MBP: variants seen among roughly 807,000 people sequenced by gnomAD.
MBP encodes myelin basic protein, also known as Golli-MBP.
A neutral mutation model predicts 35.8 loss-of-function variants in MBP; 16 were observed. The ratio of observed to expected loss-of-function variants is 0.45; its 90% confidence interval spans 0.30 to 0.68. The LOEUF (loss-of-function observed/expected upper bound fraction) is 0.68. Ranked by LOEUF, MBP falls within the 30% of genes least tolerant of loss-of-function variation. The probability of loss-of-function intolerance (pLI) is 0.08; values close to 1 mark genes in which losing one functional copy is unlikely to be tolerated. For missense variants in MBP, 380 were observed against 404.7 expected (o/e 0.94, Z 0.52); for synonymous variants, 143 against 159.6 (o/e 0.90, Z 0.78).
chr18:77,052,405 C>T (rs368342537), intron 3 of MBP, among the ~76,000 whole-genome samples: 3 of 152,164 alleles, frequency 2.0e-5, no homozygotes, highest in Non-Finnish European at 4.4e-5. Flanking sequence ...CCCCGGGTCC[C>T]GAGCTGGACG....
At chr18:76,995,819 G>T (rs888409532) in intron 4 of MBP, among the ~76,000 whole-genome samples, 1 of 151,960 alleles carries the variant, frequency 6.6e-6, no homozygotes, top group African/African-American at 2.4e-5. Context: ...ATCTATAAAA[G>T]GAAAAAATGG....
At chr18:77,055,557 ATCCT>A (rs981025086) in intron 3 of MBP, among the ~76,000 whole-genome samples, 3 of 136,556 alleles carry the variant, frequency 2.2e-5, no homozygotes, top group African/African-American at 5.6e-5. Flanking sequence ...CTTTCTTTTC[ATCCT>A]TCCTTCCTTT....
At chr18:77,023,106 C>T (rs1972057158) in intron 3 of MBP, among the ~76,000 whole-genome samples, 1 of 152,226 alleles carries the variant, frequency 6.6e-6, no homozygotes, top group South Asian at 2.1e-4. Context: ...TAGGACAATG[C>T]TGGCCTTTAG....
intron 1 of MBP, among the ~76,000 whole-genome samples, chr18:77,121,232 C>T (rs1293248138): frequency 1.3e-5 from 2 of 151,958 alleles, no homozygotes; most frequent in Non-Finnish European, 2.9e-5. Context: ...GTCGTTTGAG[C>T]CCCAGAGATT....
At chr18:77,078,311 C>T (rs762661239) in intron 2 of MBP, among the ~76,000 whole-genome samples, 12 of 152,160 alleles carry the variant, frequency 7.9e-5, no homozygotes, top group Admixed American at 2.0e-4. Context: ...CACTTTCAAC[C>T]GCCACGTTCC....
At position 76,989,967 on chromosome 18, in the gene MBP, A is replaced by T; in HGVS notation, c.670T>A (p.Phe224Ile). The change falls in exon 5 of 9, where the codon TTC becomes ATC. Residue 224 changes from phenylalanine to isoleucine, a missense_variant. Transcript: ENST00000355994. The surrounding 1 kb of genome is among the most constrained non-coding windows in gnomAD (Gnocchi z 4.0). The part of the protein sequence containing the change: ...TQDENPVVHF[F>I]KNIVTPRTPP... Reference sequence around the variant, plus strand: ...CGATCGTCACTTACAATGTTCTTGAAGAAGTGGACTACGGGGTTTTCATCT... The same window carrying T: ...CGATCGTCACTTACAATGTTCTTGATGAAGTGGACTACGGGGTTTTCATCT... The T allele has an allele frequency of 1.9e-6, 3 of 1,611,812 alleles. No homozygotes were observed. The highest frequency in any genetic ancestry group is 2.5e-6 in the Non-Finnish European group (3 of 1,179,456).
intron 2 of MBP, among the ~76,000 whole-genome samples, chr18:77,090,214 C>T (rs1975446218): frequency 6.6e-6 from 1 of 152,224 alleles, no homozygotes; most frequent in Non-Finnish European, 1.5e-5. Flanking sequence ...GAGGTTGAGA[C>T]AAACGTGCTT....
Position 76,984,827 on chromosome 18 carries a change from T to C in MBP, c.818A>G (p.Lys273Arg), listed in dbSNP as rs1969443403. The C allele has an allele frequency of 1.2e-6, 2 of 1,614,108 alleles. No individual in the cohort carries two copies. Among genetic ancestry groups the C allele is most frequent in the East Asian group, 2.2e-5 (1 of 44,876 alleles). ...GRASDYKSAHKGFKGVDAQGT... is the reference protein window; with the variant it reads ...GRASDYKSAHRGFKGVDAQGT... The stretch of plus-strand genomic sequence containing the variant: ...CTGGGCATCGACTCCCTTGAATCCC[T>C]TGTGAGCCGATTTATAGTCGGACGC... Residue 273 changes from lysine to arginine, a missense_variant, in exon 8 of 9, where the codon AAG becomes AGG. By Grantham distance (26) the Lys-to-Arg change is conservative. Coordinates refer to ENST00000355994, the MANE Select transcript of MBP (RefSeq NM_001025101.2).
chr18:77,102,997 T>C lies in MBP; in HGVS notation c.51+2214A>G, dbSNP rs200195047. Among the ~76,000 whole-genome samples, 3 of 75,710 alleles carry C rather than the reference T, an allele frequency of 4.0e-5. No individual in the cohort carries two copies. The highest frequency in any genetic ancestry group is 1.0e-3 in the South Asian group (2 of 1,918). 49.7% of individuals were successfully genotyped at this position (75,710 alleles called of 152,430 possible). On this transcript the variant is annotated intron_variant, in intron 2 of 8. Coordinates refer to ENST00000355994, the MANE Select transcript of MBP (RefSeq NM_001025101.2). The surrounding 1 kb of genome is among the most constrained non-coding windows in gnomAD (Gnocchi z 4.4). ...GGCTGAACAAAATAATGAGTCACCC[T>C]CCCATTCAACATTGACTAGAACCAT...
Position 76,987,477 on chromosome 18 carries a change from C to G in MBP, c.750+1018G>C, listed in dbSNP as rs1325666219. On this transcript the variant is annotated intron_variant, in intron 7 of 8. Coordinates refer to ENST00000355994, the MANE Select transcript of MBP (RefSeq NM_001025101.2). ...GGGACTGATCTGGGATCCTCATGGTCTCTCAAGTACCCTGCCCCTTCCTCC... is the reference window on the plus strand; with the variant it reads ...GGGACTGATCTGGGATCCTCATGGTGTCTCAAGTACCCTGCCCCTTCCTCC... 5.1e-6 allele frequency: 5 copies of G among 985,504 alleles called. No individual in the cohort carries two copies. The African/African-American group carries it at 7.0e-5, about 14-fold the overall frequency. 61.0% of individuals were successfully genotyped at this position (985,504 alleles called of 1,614,324 possible).
intron 1 of MBP, among the ~76,000 whole-genome samples, chr18:77,123,471 T>G (rs1322249141): frequency 6.6e-6 from 1 of 152,242 alleles, no homozygotes; most frequent in African/African-American, 2.4e-5. Context: ...AGAGCTTGTG[T>G]GGGTCTATTC....
chr18:77,075,890 T>G (rs536611004), intron 2 of MBP, among the ~76,000 whole-genome samples: 1 of 152,340 alleles, frequency 6.6e-6, no homozygotes, highest in East Asian at 1.9e-4. Flanking sequence ...AACATTACTA[T>G]TAGGCCCTTG....
intron 1 of MBP, among the ~76,000 whole-genome samples, chr18:77,130,648 G>A (rs1040139889): frequency 4.0e-5 from 6 of 151,332 alleles, no homozygotes; most frequent in Admixed American, 2.6e-4. Context: ...ACAAATTCAG[G>A]CAGAAATAGA....
intron 3 of MBP, among the ~76,000 whole-genome samples, chr18:77,035,805 C>T (rs189964021): frequency 2.6e-5 from 4 of 152,336 alleles, no homozygotes; most frequent in Admixed American, 6.5e-5. Context: ...TCAGAACAAA[C>T]ACGTTGCCAG....
chr18:76,985,212 T>A (rs1033155337), intron 7 of MBP: 1 of 1,411,730 alleles, frequency 7.1e-7, no homozygotes, highest in Middle Eastern at 2.0e-4. Context: ...ACCTTCACGC[T>A]GTGGGGTGTT....
Position 77,068,380 on chromosome 18 carries a change from G to A in MBP, c.52-1995C>T, listed in dbSNP as rs542496124. Among the ~76,000 whole-genome samples the A allele has an allele frequency of 4.0e-5, 6 of 151,710 alleles. No individual in the cohort carries two copies. The East Asian group carries it at 1.2e-3, about 29-fold the overall frequency. ...GAGGTAACAGCCCAACTTCCAAGCA[G>A]GCCAGGTTTAGCCCAGATGACGAGG... is the stretch of plus-strand genomic sequence containing the variant. On this transcript the variant is annotated intron_variant, in intron 2 of 8. Coordinates refer to ENST00000355994, the MANE Select transcript of MBP (RefSeq NM_001025101.2).
At chr18:76,987,143 C>T (rs1426858210) in intron 7 of MBP, 1 of 985,358 alleles carries the variant, frequency 1.0e-6, no homozygotes, top group Non-Finnish European at 1.2e-6. Context: ...TGTGCAACCC[C>T]CCATCGCTCC....
intron 2 of MBP, 91 bp downstream of exon 2, chr18:77,105,120 G>C (rs1976219709): frequency 2.6e-6 from 3 of 1,141,318 alleles, no homozygotes; most frequent in East Asian, 2.5e-5. Context: ...GTAGCAGCAA[G>C]AGCCCATGCC....
intron 1 of MBP, chr18:77,113,959 C>T (rs1286058743): frequency 6.6e-6 from 1 of 152,218 alleles, no homozygotes; most frequent in Admixed American, 6.5e-5. Context: ...GGGACCTAGG[C>T]TCCCGGCAGT....
Sources: gnomAD v4.1 joint callset for allele counts (sites outside exome capture counted in the v4.1 genomes callset) on GRCh38, gnomAD v4.1.1 for gene constraint, Gnocchi (gnomAD v3.1) non-coding constraint, MANE v1.5 for transcripts, NCBI Gene and HGNC (gene_info 2026-07-23, HGNC 2026-07-21) for gene names.